Variants in PLAT observed in about 807,000 individuals in gnomAD.
The protein encoded by PLAT is plasminogen activator, tissue type.
In PLAT, 48 loss-of-function variants were observed where a neutral mutation model predicts 74.9. The observed-to-expected ratio is 0.64, with a 90% confidence interval of 0.51 to 0.82. The LOEUF (loss-of-function observed/expected upper bound fraction) is 0.82, where lower values mean the gene tolerates loss of function less well. Ranked by LOEUF, PLAT falls within the 40% of genes least tolerant of loss-of-function variation. The probability of loss-of-function intolerance (pLI) is 0.00; values close to 1 mark genes in which losing one functional copy is unlikely to be tolerated. For missense variants in PLAT, 673 were observed against 736.2 expected, an observed-to-expected ratio of 0.91 and a Z score of 0.99; for synonymous variants, 307 against 294.4, an observed-to-expected ratio of 1.04 and a Z score of -0.44.
intron 6 of PLAT, 66 bp from the exon 7 acceptor site, chr8:42,185,238 G>A: frequency 1.0e-6 from 1 of 971,510 alleles, no homozygotes; most frequent in Non-Finnish European, 1.6e-6. Context: ...TAGGACCCAA[G>A]GACTTTGGTA....
chr8:42,194,241 A>AGAGAGAGAGAGAGAGAGAGAGTGT (rs1419569830), intron 1 of PLAT, among the ~76,000 whole-genome samples: 3 of 52,578 alleles, frequency 5.7e-5, no homozygotes, highest in African/African-American at 2.0e-4. Flanking sequence ...AGAGAGAGAG[A>AGAGAGAGAGAGAGAGAGAGAGTGT]GTGTGTGTGT....
intron 6 of PLAT, chr8:42,185,644 G>A (rs1384957409): frequency 6.5e-6 from 1 of 153,144 alleles, no homozygotes; most frequent in Non-Finnish European, 1.5e-5. Flanking sequence ...TTACTTGGAG[G>A]TGAAGGATGG....
At chr8:42,180,825 TTC>T in intron 9 of PLAT, 140 bp from the exon 10 acceptor site, 1 of 622,116 alleles carries the variant, frequency 1.6e-6, no homozygotes, top group Middle Eastern at 4.3e-4. Flanking sequence ...TGTCCATACA[TTC>T]TCTTTAGTTC....
In PLAT at chr8:42,187,006, TATC is replaced by T. The variant is rs772699872; in HGVS notation, c.539+389_539+391del. 189 of 154,910 alleles carry T rather than the reference TATC, an allele frequency of 1.2e-3. 1 individual carries two copies. The highest frequency in any genetic ancestry group is 1.0e-3 in the Non-Finnish European group (77 of 73,398). The allele number at this position is 154,910 out of a possible 1,614,324, so 9.6% of individuals were successfully genotyped here. A position where few individuals can be genotyped will look rare whatever the true frequency, so the allele number is the denominator to read the frequency against. Reference sequence around the variant, plus strand: ...TCATCTATCTTTCTAATCATCTGTCTATCATCTACCACCTATCATCTATCATCT... The same window carrying T: ...TCATCTATCTTTCTAATCATCTGTCTATCTACCACCTATCATCTATCATCT... On this transcript the variant is annotated intron_variant, in intron 6 of 13. Coordinates refer to ENST00000220809, the MANE Select transcript of PLAT (RefSeq NM_000930.5).
chr8:42,194,050 C>CTTTTT (rs59850705), intron 1 of PLAT, among the ~76,000 whole-genome samples: 4,330 of 84,876 alleles, frequency 0.051, 578 homozygotes, highest in African/African-American at 0.11. Flanking sequence ...TTTCTTCTTT[C>CTTTTT]TTTTTTTTTT....
At chr8:42,190,756 A>G (rs1805651352) in intron 3 of PLAT, among the ~76,000 whole-genome samples, 1 of 152,196 alleles carries the variant, frequency 6.6e-6, no homozygotes, top group South Asian at 2.1e-4. Context: ...TTTGGACCTG[A>G]AGCTGGGCCT....
chr8:42,203,992 T>TATATATATATATATATACACAC (rs1554499838), intron 1 of PLAT, among the ~76,000 whole-genome samples: 4 of 109,868 alleles, frequency 3.6e-5, no homozygotes, highest in African/African-American at 2.1e-4. Flanking sequence ...TATATATATA[T>TATATATATATATATATACACAC]ACACACACAC....
At chr8:42,182,598 C>G in intron 8 of PLAT, 121 bp downstream of exon 8, 1 of 709,728 alleles carries the variant, frequency 1.4e-6, no homozygotes, top group East Asian at 2.6e-5. Context: ...TAGATAATAT[C>G]CATGGGTGCT....
At chr8:42,180,114 G>A (rs1184387496) in intron 11 of PLAT, 48 bp from the exon 12 acceptor site, 3 of 1,587,764 alleles carry the variant, frequency 1.9e-6, no homozygotes, top group African/African-American at 1.3e-5. Flanking sequence ...CCGCGTCCCC[G>A]GGAGGGGAGG....
intron 13 of PLAT, among the ~76,000 whole-genome samples, chr8:42,177,686 T>C (rs2129686396): frequency 6.6e-6 from 1 of 152,368 alleles, no homozygotes; most frequent in Admixed American, 6.5e-5. Context: ...TAAAATGATT[T>C]GGTTTTGCTT....
At chr8:42,194,241 A>AGAGAGAGAGTGTGTGT (rs1419569830) in intron 1 of PLAT, among the ~76,000 whole-genome samples, 4 of 52,576 alleles carry the variant, frequency 7.6e-5, no homozygotes, top group African/African-American at 2.7e-4. Context: ...AGAGAGAGAG[A>AGAGAGAGAGTGTGTGT]GTGTGTGTGT....
chr8:42,180,804 A>G (rs1044792589), intron 9 of PLAT, 119 bp from the exon 10 acceptor site: 2 of 688,750 alleles, frequency 2.9e-6, no homozygotes, highest in South Asian at 3.8e-5. Context: ...TGGGATCAGC[A>G]TGCCGAATGT....
At chr8:42,206,979 C>T (rs1806364701) in intron 1 of PLAT, among the ~76,000 whole-genome samples, 1 of 152,252 alleles carries the variant, frequency 6.6e-6, no homozygotes, top group East Asian at 1.9e-4. Flanking sequence ...CTGCTTCTCT[C>T]TCCCAGCACC....
At chr8:42,181,611 C>T (rs966793214) in intron 9 of PLAT, among the ~76,000 whole-genome samples, 8 of 152,214 alleles carry the variant, frequency 5.3e-5, no homozygotes, top group Non-Finnish European at 1.2e-4. Context: ...AGGAGCCATG[C>T]ATGCGAGGCC....
intron 5 of PLAT, 90 bp from the exon 6 acceptor site, chr8:42,187,662 A>G (rs2854288): frequency 7.8e-7 from 1 of 1,279,748 alleles, no homozygotes; most frequent in Non-Finnish European, 1.1e-6. Flanking sequence ...GTCCTCCCCC[A>G]GGCCTGATGC....
chr8:42,191,460 G>A (rs955289496), intron 2 of PLAT, 46 bp from the exon 3 acceptor site: 7 of 1,591,456 alleles, frequency 4.4e-6, no homozygotes, highest in African/African-American at 4.0e-5. Flanking sequence ...CATGCCAGGT[G>A]TACTAAGAGT....
chr8:42,190,111 G>T (rs554182789), intron 3 of PLAT, among the ~76,000 whole-genome samples: 54 of 152,026 alleles, frequency 3.6e-4, no homozygotes, highest in East Asian at 2.1e-3. Context: ...GGGGTGGGGT[G>T]GGGGAGGCAG....
At chr8:42,205,286 G>A (rs8178874) in intron 1 of PLAT, among the ~76,000 whole-genome samples, 4,277 of 152,258 alleles carry the variant, frequency 0.028, 74 homozygotes, top group Middle Eastern at 0.044. Context: ...CAGCACTTCG[G>A]GGGGCCGAGG....
chr8:42,183,153 G>A (rs1419499194), intron 7 of PLAT, among the ~76,000 whole-genome samples: 1 of 152,214 alleles, frequency 6.6e-6, no homozygotes, highest in African/African-American at 2.4e-5. Context: ...ACAGGCATGC[G>A]CCACCATGCT....
Sources: allele counts gnomAD v4.1 joint callset (sites outside exome capture counted in the v4.1 genomes callset), GRCh38; gene constraint gnomAD v4.1.1; transcripts MANE v1.5; gene names NCBI Gene and HGNC (gene_info 2026-07-23, HGNC 2026-07-21).